The following SCN8A variants were observed in gnomAD, a reference collection of about 807,000 sequenced individuals.
The protein encoded by SCN8A is sodium voltage-gated channel alpha subunit 8.
In SCN8A, 30 loss-of-function variants were observed where a neutral mutation model predicts 184.1. The ratio of observed to expected loss-of-function variants is 0.16; its 90% CI spans 0.12 to 0.22. The LOEUF (loss-of-function observed/expected upper bound fraction) is 0.22. Among genes scored for constraint, SCN8A ranks in the 10% least tolerant of loss-of-function variants. The pLI is 1.00. For missense variants in SCN8A, 1,057 were observed against 2,498.9 expected (o/e 0.42, Z 12.30); for synonymous variants, 852 against 907.0 (o/e 0.94, Z 1.09).
chr12:51,786,413 C>CT lies in SCN8A; in HGVS notation c.3943-128dup, dbSNP rs1462407040. Reference sequence around the variant, plus strand: ...CTACTTGTCAGTCTGTCCAGTTACTCTAATTCCAAAGGGAATGTAATGTTT... The same window carrying CT: ...CTACTTGTCAGTCTGTCCAGTTACTCTTAATTCCAAAGGGAATGTAATGTTT... On this transcript the variant is annotated intron_variant, in intron 21 of 26. Transcript: ENST00000627620. 4.7e-6 allele frequency: 5 copies of CT among 1,059,478 alleles called. 1 individual carries two copies. In the South Asian group the frequency reaches 5.9e-5, roughly 13 times the overall value. 65.6% of individuals were successfully genotyped at this position (1,059,478 alleles called of 1,614,324 possible).
At chr12:51,688,802 G>A (rs766308247) in intron 5 of SCN8A, 4 of 1,613,900 alleles carry the variant, frequency 2.5e-6, no homozygotes, top group Non-Finnish European at 3.4e-6. Flanking sequence ...TCAGCTCTAC[G>A]CACTTTCAGG....
At chr12:51,657,645 T>C (rs1464402051) in intron 1 of SCN8A, among the ~76,000 whole-genome samples, 1 of 152,152 alleles carries the variant, frequency 6.6e-6, no homozygotes, top group African/African-American at 2.4e-5. Flanking sequence ...ATCCCATTTG[T>C]CTATTTTTGC....
intron 6 of SCN8A, among the ~76,000 whole-genome samples, chr12:51,691,618 T>G (rs1205406159): frequency 6.6e-6 from 1 of 152,126 alleles, no homozygotes; most frequent in Non-Finnish European, 1.5e-5. Context: ...AGTCCCAGAT[T>G]CCTATTTCTA....
In SCN8A at chr12:51,812,778, A is replaced by G. The variant is rs2138956670; in HGVS notation, c.*5349A>G. The G allele has an allele frequency of 6.6e-6, 1 of 152,344 alleles. No homozygotes were observed. Among genetic ancestry groups the G allele is most frequent in the Non-Finnish European group, 1.5e-5 (1 of 68,028 alleles). 9.4% of individuals were successfully genotyped at this position (152,344 alleles called of 1,614,324 possible). A position where few individuals can be genotyped will look rare whatever the true frequency, so the allele number is the denominator to read the frequency against. ...TGTAAGTGGATTGGAAGTTTATAGT[A>G]TGAAATTTCAATTTTACTTTGTACT... is the stretch of plus-strand genomic sequence containing the variant. On this transcript the variant is annotated 3_prime_UTR_variant, in exon 27 of 27. Transcript: ENST00000627620.
chr12:51,623,422 A>G (rs759156368), intron 1 of SCN8A, among the ~76,000 whole-genome samples: 8 of 152,174 alleles, frequency 5.3e-5, no homozygotes, highest in Non-Finnish European at 8.8e-5. Flanking sequence ...TCTGGCAATG[A>G]GAAACCTGCC....
At chr12:51,697,087 T>C (rs1474969405) in intron 6 of SCN8A, among the ~76,000 whole-genome samples, 1 of 151,376 alleles carries the variant, frequency 6.6e-6, no homozygotes, top group East Asian at 1.9e-4. Flanking sequence ...TAAGTAGTGA[T>C]TGAGCCAGGG....
chr12:51,710,339 C>G (rs950705444), intron 11 of SCN8A, among the ~76,000 whole-genome samples: 3 of 151,988 alleles, frequency 2.0e-5, no homozygotes, highest in African/African-American at 7.3e-5. Flanking sequence ...TGTTTTCTAC[C>G]CTCTGTGGTT....
At chr12:51,789,164 C>A in intron 23 of SCN8A, 117 bp from the exon 24 acceptor site, 1 of 1,080,942 alleles carries the variant, frequency 9.3e-7, no homozygotes, top group Non-Finnish European at 1.3e-6. Context: ...GAATCTAGGG[C>A]TCTCCCACCC....
In SCN8A at chr12:51,808,230, C is replaced by T. The variant is rs531761007; in HGVS notation, c.*801C>T. The T allele has an allele frequency of 6.5e-6, 1 of 152,710 alleles. No individual in the cohort carries two copies. The highest frequency in any genetic ancestry group is 2.1e-4 in the South Asian group (1 of 4,824). 9.5% of individuals were successfully genotyped at this position (152,710 alleles called of 1,614,324 possible). ...GGAGAAAATGGTAAGAGTTCCATAC[C>T]GGCTACAATTCTTTGAGTTCTTAAA... On this transcript the variant is annotated 3_prime_UTR_variant, in exon 27 of 27. Transcript: ENST00000627620.
At chr12:51,765,173 T>G (rs1248029463) in intron 15 of SCN8A, among the ~76,000 whole-genome samples, 2 of 148,318 alleles carry the variant, frequency 1.3e-5, no homozygotes, top group East Asian at 3.9e-4. Flanking sequence ...ATCACAACGG[T>G]TTTTTTTTTA....
chr12:51,654,103 A>G (rs1187629794), intron 1 of SCN8A, among the ~76,000 whole-genome samples: 1 of 152,170 alleles, frequency 6.6e-6, no homozygotes, highest in African/African-American at 2.4e-5. Flanking sequence ...ATTCTATCAC[A>G]GATACAATTT....
At chr12:51,720,252 G>A (rs1942031376) in intron 11 of SCN8A, among the ~76,000 whole-genome samples, 1 of 149,998 alleles carries the variant, frequency 6.7e-6, no homozygotes, top group Non-Finnish European at 1.5e-5. Flanking sequence ...GTTTAAAATG[G>A]GGTGGATGGA....
At chr12:51,595,410 G>A (rs890246416) in intron 1 of SCN8A, among the ~76,000 whole-genome samples, 1 of 152,174 alleles carries the variant, frequency 6.6e-6, no homozygotes, top group African/African-American at 2.4e-5. Flanking sequence ...ACACAGCCAG[G>A]ACACATATTT....
At chr12:51,592,463 C>T (rs2138540194) in intron 1 of SCN8A, among the ~76,000 whole-genome samples, 1 of 152,282 alleles carries the variant, frequency 6.6e-6, no homozygotes, top group South Asian at 2.1e-4. Context: ...TGCCCTCTTC[C>T]TCACTTACAC....
At chr12:51,619,243 C>T (rs1164463689) in intron 1 of SCN8A, among the ~76,000 whole-genome samples, 1 of 152,068 alleles carries the variant, frequency 6.6e-6, no homozygotes, top group African/African-American at 2.4e-5. Context: ...GTGCAGAATG[C>T]CATTAAATGG....
intron 1 of SCN8A, among the ~76,000 whole-genome samples, chr12:51,645,582 T>C (rs1940565327): frequency 6.6e-6 from 1 of 152,082 alleles, no homozygotes; most frequent in Non-Finnish European, 1.5e-5. Flanking sequence ...GAGGTAGACA[T>C]GGGAGACTTT....
chr12:51,684,145 A>G (rs373759363), intron 2 of SCN8A, 29 bp from the exon 3 acceptor site: 7 of 1,109,734 alleles, frequency 6.3e-6, no homozygotes, highest in African/African-American at 4.6e-5. Flanking sequence ...CCATGCTTTA[A>G]TAATTTCTCT....
At chr12:51,695,786 T>G (rs1941582618) in intron 6 of SCN8A, among the ~76,000 whole-genome samples, 2 of 152,248 alleles carry the variant, frequency 1.3e-5, no homozygotes, top group African/African-American at 2.4e-5. Flanking sequence ...ATTACTCAAC[T>G]GTCTCTTATC....
chr12:51,669,933 A>G (rs1045877782), intron 2 of SCN8A, among the ~76,000 whole-genome samples: 1 of 152,246 alleles, frequency 6.6e-6, no homozygotes, highest in Non-Finnish European at 1.5e-5. Flanking sequence ...AGTATTGCTA[A>G]TAAGTTGTAT....
Sources: gnomAD v4.1 joint callset for allele counts (sites outside exome capture counted in the v4.1 genomes callset) on GRCh38, gnomAD v4.1.1 for gene constraint, MANE v1.5 for transcripts, NCBI Gene and HGNC (gene_info 2026-07-23, HGNC 2026-07-21) for gene names.